The following FRMD3 variants were observed in gnomAD, a reference collection of about 807,000 sequenced individuals.
The protein encoded by FRMD3 is FERM domain-containing protein 3.
Under a neutral mutation model 70.2 loss-of-function variants are expected in FRMD3, and 33 were observed. That is an observed-to-expected ratio of 0.47 (90% CI 0.36 to 0.63). FRMD3 has a LOEUF of 0.63. Ranked by LOEUF, FRMD3 falls within the 20% of genes least tolerant of loss-of-function variation. FRMD3 has a pLI of 0.00. For missense variants in FRMD3, 632 were observed against 711.4 expected, an observed-to-expected ratio of 0.89 and a Z score of 1.27; for synonymous variants, 279 against 255.9, an observed-to-expected ratio of 1.09 and a Z score of -0.86.
Position 83,522,857 on chromosome 9 carries a change from C to A in FRMD3, c.147+15228G>T, listed in dbSNP as rs541116581. ...GGATTACAGGCGTGAGCCACCGCGCCCAGCCCGATATATTTTTTAAAGTAG... is the reference window on the plus strand; with the variant it reads ...GGATTACAGGCGTGAGCCACCGCGCACAGCCCGATATATTTTTTAAAGTAG... On this transcript the variant is annotated intron_variant, in intron 1 of 13. Transcript: ENST00000304195. 2.4e-3 allele frequency among the ~76,000 whole-genome samples: 372 copies of A among 152,208 alleles called. 1 individual carries two copies. The highest frequency in any genetic ancestry group is 7.9e-3 in the African/African-American group (328 of 41,526).
At chr9:83,484,003 T>C (rs1337237647) in intron 1 of FRMD3, among the ~76,000 whole-genome samples, 1 of 152,236 alleles carries the variant, frequency 6.6e-6, no homozygotes, top group Non-Finnish European at 1.5e-5. Context: ...TCTGAGTCAC[T>C]AAAGAGAATT....
the FRMD3 span, among the ~76,000 whole-genome samples, chr9:83,575,524 TATAA>T: frequency 6.6e-6 from 1 of 152,122 alleles, no homozygotes; most frequent in Non-Finnish European, 1.5e-5. Context: ...GCTCACTCCT[TATAA>T]ATGTGACTAG....
intron 1 of FRMD3, among the ~76,000 whole-genome samples, chr9:83,466,446 CAA>C (rs1828129499): frequency 6.6e-6 from 1 of 152,144 alleles, no homozygotes; most frequent in South Asian, 2.1e-4. Context: ...TCGCTAAGCC[CAA>C]AGTCCCAGGT....
intron 10 of FRMD3, among the ~76,000 whole-genome samples, chr9:83,308,243 T>A (rs914528516): frequency 2.0e-5 from 3 of 152,188 alleles, no homozygotes; most frequent in East Asian, 3.8e-4. Context: ...CAATGAACAA[T>A]GGGCAAAGAC....
chr9:83,254,404 C>G (rs183095701), intron 13 of FRMD3, among the ~76,000 whole-genome samples: 1 of 151,312 alleles, frequency 6.6e-6, no homozygotes, highest in East Asian at 1.9e-4. Flanking sequence ...AAATACCTTT[C>G]ACTTACAAAA....
the FRMD3 span, among the ~76,000 whole-genome samples, chr9:83,562,248 T>A: frequency 6.6e-6 from 1 of 152,176 alleles, no homozygotes; most frequent in Non-Finnish European, 1.5e-5. Flanking sequence ...TAACAAGTAG[T>A]TCCTTAGACG....
At chr9:83,536,226 A>G (rs949786986) in intron 1 of FRMD3, among the ~76,000 whole-genome samples, 2 of 152,232 alleles carry the variant, frequency 1.3e-5, no homozygotes, top group Admixed American at 1.3e-4. Context: ...GTTGGGTCAT[A>G]AGCACTGGAG....
chr9:83,457,426 T>C (rs1005857234), intron 1 of FRMD3, among the ~76,000 whole-genome samples: 1 of 152,142 alleles, frequency 6.6e-6, no homozygotes, highest in Admixed American at 6.5e-5. Context: ...ATTGACCCCA[T>C]GATTGTCCTG....
rs138942018 is a variant in FRMD3 at position 83,503,910 on chromosome 9, G to C, written c.147+34175C>G. 9.7e-3 allele frequency among the ~76,000 whole-genome samples: 1,475 copies of C among 152,282 alleles called. 32 individuals carry two copies. Among genetic ancestry groups the C allele is most frequent in the African/African-American group, 0.034 (1,417 of 41,548 alleles). On this transcript the variant is annotated intron_variant, in intron 1 of 13. Transcript: ENST00000304195. ...GAAAAGGAAGATATAGCTTGAGAAG[G>C]TCCTGTGTGATTAACACTAGCTAGA...
At chr9:83,372,610 C>G (rs773949743) in intron 3 of FRMD3, among the ~76,000 whole-genome samples, 2 of 152,026 alleles carry the variant, frequency 1.3e-5, no homozygotes, top group Non-Finnish European at 2.9e-5. Context: ...GAACCAGGTA[C>G]CTGGTGGCTG....
At chr9:83,481,915 C>T (rs1275573996) in intron 1 of FRMD3, among the ~76,000 whole-genome samples, 1 of 149,688 alleles carries the variant, frequency 6.7e-6, no homozygotes, top group Admixed American at 6.7e-5. Flanking sequence ...ATCTAGAAAA[C>T]CAACATCCTA....
chr9:83,488,683 A>G (rs1249733716), intron 1 of FRMD3, among the ~76,000 whole-genome samples: 1 of 152,216 alleles, frequency 6.6e-6, no homozygotes, highest in Non-Finnish European at 1.5e-5. Context: ...TACCCACTCA[A>G]TGGTGAGGTT....
chr9:83,321,644 G>A (rs1423586673), intron 6 of FRMD3, among the ~76,000 whole-genome samples: 2 of 152,174 alleles, frequency 1.3e-5, no homozygotes, highest in Non-Finnish European at 2.9e-5. Flanking sequence ...TGAAAAGAAT[G>A]TATTTTCTGT....
chr9:83,355,195 T>C (rs939568445), intron 3 of FRMD3, among the ~76,000 whole-genome samples: 1 of 152,190 alleles, frequency 6.6e-6, no homozygotes, highest in African/African-American at 2.4e-5. Context: ...TGTGTTCTTA[T>C]TCTTAAATTA....
At chr9:83,497,429 C>T (rs1828966836) in intron 1 of FRMD3, among the ~76,000 whole-genome samples, 1 of 152,196 alleles carries the variant, frequency 6.6e-6, no homozygotes, top group Admixed American at 6.5e-5. Flanking sequence ...AAATATTTTG[C>T]AAAGCCTCCC....
chr9:83,501,882 G>A (rs1321798845), intron 1 of FRMD3, among the ~76,000 whole-genome samples: 2 of 152,078 alleles, frequency 1.3e-5, no homozygotes, highest in Non-Finnish European at 2.9e-5. Flanking sequence ...CCAACTCTAC[G>A]TTTAATATCC....
chr9:83,545,871 T>C, the FRMD3 span, among the ~76,000 whole-genome samples: 1 of 152,146 alleles, frequency 6.6e-6, no homozygotes, highest in African/African-American at 2.4e-5. Flanking sequence ...AGGAGATATA[T>C]TGCAAGACAA....
chr9:83,338,933 A>G (rs1279860895), intron 5 of FRMD3, among the ~76,000 whole-genome samples: 3 of 152,178 alleles, frequency 2.0e-5, no homozygotes, highest in Non-Finnish European at 4.4e-5. Flanking sequence ...TGAGCTAGCT[A>G]CAGGCATTAA....
At chr9:83,304,482 TGTGTGCATTCAA>T (rs920015871) in intron 10 of FRMD3, among the ~76,000 whole-genome samples, 2 of 152,220 alleles carry the variant, frequency 1.3e-5, no homozygotes, top group African/African-American at 4.8e-5. Flanking sequence ...AGCTCATTCA[TGTGTGCATTCAA>T]GTGTGAGAGG....
Sources: gnomAD v4.1 joint callset for allele counts (sites outside exome capture counted in the v4.1 genomes callset) on GRCh38, gnomAD v4.1.1 for gene constraint, MANE v1.5 for transcripts, NCBI Gene and HGNC (gene_info 2026-07-23, HGNC 2026-07-21) for gene names.